Variants in FAAH2 observed in about 807,000 individuals in gnomAD.
FAAH2 encodes fatty-acid amide hydrolase 2.
Under a neutral mutation model 36.9 loss-of-function variants are expected in FAAH2, and 60 were observed. The observed-to-expected ratio is 1.63, with a 90% CI of 1.32 to 2.02. The LOEUF is 2.02. FAAH2 is among the 30% of genes most tolerant of loss of function. The pLI is 0.00. For synonymous variants in FAAH2, 214 were observed against 143.8 expected (o/e 1.49, Z -3.49); for missense variants, 689 against 397.5 (o/e 1.73, Z -6.23).
intron 5 of FAAH2, among the ~76,000 whole-genome samples, chrX:57,343,922 G>C (rs1459091833): frequency 9.0e-6 from 1 of 111,100 alleles, no homozygotes; most frequent in African/African-American, 3.3e-5. Context: ...ATCGTTGTAG[G>C]TTTGCAGCTT....
rs1277956420 is a variant in FAAH2 at position 57,306,730 on chromosome X, G to A, written c.276-3863G>A. ...TGTGTGTGTGTGTGTGTGTGTGTGT[G>A]TATATATATACACACACACTATATG... On this transcript the variant is annotated intron_variant, in intron 2 of 10. Transcript: ENST00000374900. 7.4e-3 allele frequency among the ~76,000 whole-genome samples: 211 copies of A among 28,652 alleles called. 1 individual carries two copies. The highest frequency in any genetic ancestry group is 0.017 in the East Asian group (18 of 1,037). The allele number at this position is 28,652 out of a possible 115,157, so 24.9% of individuals were successfully genotyped here. A position where few individuals can be genotyped will look rare whatever the true frequency, so the allele number is the denominator to read the frequency against.
At position 57,335,661 on chromosome X, in the gene FAAH2, C is replaced by T. The variant is rs184232608; in HGVS notation, c.622+3854C>T. Among the ~76,000 whole-genome samples the T allele has an allele frequency of 5.7e-4, 63 of 110,166 alleles. No individual in the cohort carries two copies. In the East Asian group the frequency reaches 8.7e-3, roughly 15 times the overall value. ...TCCTCTTATCTCAACTGCAAAGAGG[C>T]GTTCCTTCCTCTTTTACTAGTCCTC... On this transcript the variant is annotated intron_variant, in intron 4 of 10. Transcript: ENST00000374900.
intron 10 of FAAH2, among the ~76,000 whole-genome samples, chrX:57,454,141 C>T (rs1439590354): frequency 4.5e-5 from 5 of 111,732 alleles, no homozygotes; most frequent in Non-Finnish European, 9.4e-5. Flanking sequence ...TAGGAAGAGC[C>T]TATCTGCCTG....
At chrX:57,306,084 T>A (rs1569244721) in intron 2 of FAAH2, among the ~76,000 whole-genome samples, 1 of 112,136 alleles carries the variant, frequency 8.9e-6, no homozygotes. Flanking sequence ...AGGTTCCCAA[T>A]CCTTCTGAAT....
the FAAH2 span, among the ~76,000 whole-genome samples, chrX:57,275,347 G>A: frequency 2.7e-5 from 3 of 112,395 alleles, no homozygotes; most frequent in African/African-American, 9.7e-5. Context: ...AAGGTGGAAA[G>A]GCCTGAGCCA....
At chrX:57,383,520 A>G (rs1569307533) in intron 7 of FAAH2, among the ~76,000 whole-genome samples, 2 of 111,941 alleles carry the variant, frequency 1.8e-5, no homozygotes, top group South Asian at 3.7e-4. Context: ...AAGCATTCTT[A>G]TACACCAGTA....
chrX:57,139,662 G>A, the FAAH2 span, among the ~76,000 whole-genome samples: 1 of 111,312 alleles, frequency 9.0e-6, no homozygotes, highest in Admixed American at 9.6e-5. Context: ...CAGCATGTTA[G>A]CCAGGATGGT....
chrX:57,438,203 C>A (rs1438741743), intron 8 of FAAH2, among the ~76,000 whole-genome samples: 3 of 102,941 alleles, frequency 2.9e-5, no homozygotes, highest in African/African-American at 1.0e-4. Context: ...ATATCTATAT[C>A]TATATCACTA....
chrX:57,355,103 C>A (rs756208842), intron 5 of FAAH2, among the ~76,000 whole-genome samples: 26 of 110,907 alleles, frequency 2.3e-4, no homozygotes, highest in Non-Finnish European at 4.2e-4. Flanking sequence ...ACTAAATATG[C>A]ACTTTTGTTA....
intron 8 of FAAH2, among the ~76,000 whole-genome samples, chrX:57,439,383 G>T (rs1035438102): frequency 9.9e-5 from 11 of 111,629 alleles, no homozygotes; most frequent in African/African-American, 3.3e-4. Flanking sequence ...TGTGTTTTTT[G>T]ACTGCATAAA....
At chrX:57,382,036 T>C (rs2054865657) in intron 7 of FAAH2, among the ~76,000 whole-genome samples, 1 of 111,167 alleles carries the variant, frequency 9.0e-6, no homozygotes, top group Non-Finnish European at 1.9e-5. Context: ...CAAAACCGCT[T>C]AACTACATGG....
chrX:57,415,975 T>C (rs1430954636), intron 7 of FAAH2, among the ~76,000 whole-genome samples: 1 of 111,967 alleles, frequency 8.9e-6, no homozygotes, highest in Non-Finnish European at 1.9e-5. Context: ...TTTATCATTA[T>C]GTAATGCCCT....
chrX:57,300,643 A>G (rs1045911140), intron 2 of FAAH2, among the ~76,000 whole-genome samples: 3 of 112,075 alleles, frequency 2.7e-5, no homozygotes, highest in Non-Finnish European at 5.6e-5. Context: ...CCTGCACAGC[A>G]AAAGAAACCA....
At chrX:57,282,289 G>A (rs980297331), upstream of FAAH2, among the ~76,000 whole-genome samples, 3 of 111,894 alleles carry the variant, frequency 2.7e-5, no homozygotes, top group Middle Eastern at 9.2e-3. Context: ...GTATCTCTTC[G>A]TGGTTTTGAT....
the FAAH2 span, among the ~76,000 whole-genome samples, chrX:57,260,658 T>C: frequency 9.0e-6 from 1 of 111,708 alleles, no homozygotes; most frequent in African/African-American, 3.2e-5. Context: ...ATCAAGAATC[T>C]ACAAAAAATC....
At chrX:57,241,077 C>T in the FAAH2 span, among the ~76,000 whole-genome samples, 1 of 112,164 alleles carries the variant, frequency 8.9e-6, no homozygotes, top group Admixed American at 9.4e-5. Flanking sequence ...GAGCCCTGTC[C>T]CTGCCAACTC....
At chrX:57,189,076 G>T in the FAAH2 span, among the ~76,000 whole-genome samples, 1 of 110,721 alleles carries the variant, frequency 9.0e-6, no homozygotes, top group African/African-American at 3.3e-5. Flanking sequence ...TGAAGTCTTG[G>T]TTCTTTCCTT....
chrX:57,205,118 G>T, the FAAH2 span, among the ~76,000 whole-genome samples: 1 of 112,547 alleles, frequency 8.9e-6, no homozygotes, highest in Admixed American at 9.4e-5. Context: ...GAGGGAATAT[G>T]TGTGACATCC....
chrX:57,288,338 C>CTTTT (rs771871081), intron 1 of FAAH2, among the ~76,000 whole-genome samples: 14 of 40,350 alleles, frequency 3.5e-4, no homozygotes, highest in Non-Finnish European at 4.8e-4. Flanking sequence ...AAAAACATTT[C>CTTTT]TTTTTTTTTT....
Sources: gnomAD v4.1 joint callset for allele counts (sites outside exome capture counted in the v4.1 genomes callset) on GRCh38, gnomAD v4.1.1 for gene constraint, MANE v1.5 for transcripts, NCBI Gene and HGNC (gene_info 2026-07-23, HGNC 2026-07-21) for gene names.